PTPRM: variants seen among roughly 807,000 people sequenced by gnomAD.
PTPRM encodes protein tyrosine phosphatase receptor type M.
In PTPRM, 47 loss-of-function variants were observed where a neutral mutation model predicts 186.7. The observed-to-expected ratio is 0.25, with a 90% CI of 0.20 to 0.32. PTPRM has a LOEUF of 0.32. PTPRM is among the 10% of genes least tolerant of loss of function. The pLI is 1.00. For missense variants in PTPRM, 1,494 were observed against 1,865.0 expected (o/e 0.80, Z 3.66); for synonymous variants, 668 against 674.9 (o/e 0.99, Z 0.16).
At chr18:7,663,419 G>A (rs1681770724) in intron 1 of PTPRM, among the ~76,000 whole-genome samples, 2 of 152,300 alleles carry the variant, frequency 1.3e-5, no homozygotes, top group Middle Eastern at 3.4e-3. Flanking sequence ...CAAAATCACT[G>A]CCTTCATGGA....
rs2095662750 is a variant in PTPRM at position 8,371,545 on chromosome 18, C to G, written c.3171+539C>G. 2.6e-5 allele frequency among the ~76,000 whole-genome samples: 4 copies of G among 152,298 alleles called. 1 individual carries two copies. In the South Asian group the frequency reaches 8.3e-4, roughly 32 times the overall value. On this transcript the variant is annotated intron_variant, in intron 24 of 32. Transcript: ENST00000580170. ...GGAAACCTAAGTGACTGATCTCCAT[C>G]AGACATGGGACACTCTTGCATGAAC...
chr18:7,732,410 T>C (rs2040679314), intron 1 of PTPRM, among the ~76,000 whole-genome samples: 1 of 152,252 alleles, frequency 6.6e-6, no homozygotes, highest in African/African-American at 2.4e-5. Context: ...GAATATTCAG[T>C]CTGTATTCTG....
chr18:7,828,891 A>G (rs1402286110), intron 2 of PTPRM, among the ~76,000 whole-genome samples: 1 of 152,184 alleles, frequency 6.6e-6, no homozygotes, highest in Admixed American at 6.5e-5. Context: ...ACGTTTACAC[A>G]AATGAATGAT....
At chr18:7,965,170 C>A (rs1321760071) in intron 7 of PTPRM, among the ~76,000 whole-genome samples, 3 of 151,950 alleles carry the variant, frequency 2.0e-5, no homozygotes, top group African/African-American at 7.3e-5. Context: ...GTCAGCCCCC[C>A]AAGTAGCTCG....
intron 19 of PTPRM, among the ~76,000 whole-genome samples, chr18:8,288,593 G>C (rs898940088): frequency 6.6e-6 from 1 of 152,200 alleles, no homozygotes; most frequent in African/African-American, 2.4e-5. Context: ...CAGTGGCCTT[G>C]TCCAAGGAAT....
intron 2 of PTPRM, among the ~76,000 whole-genome samples, chr18:7,871,984 A>G (rs1170103495): frequency 6.6e-6 from 1 of 152,220 alleles, no homozygotes; most frequent in African/African-American, 2.4e-5. Flanking sequence ...GTTTCTGCCA[A>G]TGAGATACAT....
chr18:7,587,424 A>G (rs1033213411), intron 1 of PTPRM, among the ~76,000 whole-genome samples: 2 of 151,988 alleles, frequency 1.3e-5, no homozygotes, highest in African/African-American at 4.8e-5. Context: ...ATTATCTAGT[A>G]TCAGTAATTA....
intron 1 of PTPRM, among the ~76,000 whole-genome samples, chr18:7,577,933 G>A (rs1226337049): frequency 6.6e-6 from 1 of 152,170 alleles, no homozygotes; most frequent in Admixed American, 6.5e-5. Flanking sequence ...TATGTTTGGA[G>A]TGCAGCATGC....
intron 19 of PTPRM, among the ~76,000 whole-genome samples, chr18:8,257,106 C>G (rs904989537): frequency 6.6e-6 from 1 of 152,186 alleles, no homozygotes; most frequent in Non-Finnish European, 1.5e-5. Flanking sequence ...AAGAGAGATG[C>G]GCAGGCATAC....
intron 8 of PTPRM, 140 bp from the exon 9 acceptor site, chr18:8,076,315 C>A: frequency 1.7e-6 from 1 of 591,370 alleles, no homozygotes; most frequent in East Asian, 3.2e-5. Flanking sequence ...TTTAAGATTC[C>A]AGATTTTTAA....
chr18:8,234,200 G>T (rs771301486), intron 14 of PTPRM, among the ~76,000 whole-genome samples: 1 of 152,022 alleles, frequency 6.6e-6, no homozygotes, highest in Non-Finnish European at 1.5e-5. Context: ...GATCAATTTG[G>T]GAAGAATTGA....
At chr18:7,762,734 A>G (rs2041836501) in intron 1 of PTPRM, among the ~76,000 whole-genome samples, 1 of 152,214 alleles carries the variant, frequency 6.6e-6, no homozygotes, top group Non-Finnish European at 1.5e-5. Flanking sequence ...TGGTAGGAAT[A>G]GGAGACTGAA....
intron 22 of PTPRM, among the ~76,000 whole-genome samples, chr18:8,335,704 C>T (rs1008121208): frequency 2.6e-5 from 4 of 152,146 alleles, no homozygotes; most frequent in African/African-American, 4.8e-5. Flanking sequence ...TGGCTCTCCT[C>T]GAAAGCATTC....
At chr18:8,097,949 A>T (rs2091092421) in intron 11 of PTPRM, among the ~76,000 whole-genome samples, 1 of 152,204 alleles carries the variant, frequency 6.6e-6, no homozygotes, top group Non-Finnish European at 1.5e-5. Context: ...GAAATATTAT[A>T]ATACTGTCTT....
chr18:7,809,632 C>G (rs2044407485), intron 2 of PTPRM, among the ~76,000 whole-genome samples: 1 of 152,142 alleles, frequency 6.6e-6, no homozygotes, highest in Non-Finnish European at 1.5e-5. Flanking sequence ...CAGCTCCTGG[C>G]CTGAGGGCCC....
At chr18:7,740,185 T>A (rs1473698931) in intron 1 of PTPRM, among the ~76,000 whole-genome samples, 1 of 152,274 alleles carries the variant, frequency 6.6e-6, no homozygotes, top group South Asian at 2.1e-4. Context: ...AACCCCACCC[T>A]ACCCCTCAGC....
chr18:8,100,132 G>A (rs1202919291), intron 11 of PTPRM, among the ~76,000 whole-genome samples: 1 of 149,050 alleles, frequency 6.7e-6, no homozygotes, highest in Admixed American at 6.7e-5. Context: ...CCACACACTT[G>A]TGTGTGTGTG....
chr18:7,653,496 A>C (rs1369732628), intron 1 of PTPRM, among the ~76,000 whole-genome samples: 1 of 152,018 alleles, frequency 6.6e-6, no homozygotes, highest in Non-Finnish European at 1.5e-5. Context: ...CATAGACCGC[A>C]GTGTGTGTTG....
chr18:7,585,293 T>C (rs1400446178), intron 1 of PTPRM, among the ~76,000 whole-genome samples: 2 of 152,206 alleles, frequency 1.3e-5, no homozygotes, highest in African/African-American at 4.8e-5. Context: ...CGGGATGTCT[T>C]CTAAGCAAGT....
Sources: gnomAD v4.1 joint callset for allele counts (sites outside exome capture counted in the v4.1 genomes callset) on GRCh38, gnomAD v4.1.1 for gene constraint, MANE v1.5 for transcripts, NCBI Gene and HGNC (gene_info 2026-07-23, HGNC 2026-07-21) for gene names.